Variants in MINDY4 observed in about 807,000 individuals in gnomAD.
MINDY4 encodes the protein probable ubiquitin carboxyl-terminal hydrolase MINDY-4.
Under a neutral mutation model 87.0 loss-of-function variants are expected in MINDY4, and 68 were observed. That is an observed-to-expected ratio of 0.78 (90% CI 0.64 to 0.96). The LOEUF (loss-of-function observed/expected upper bound fraction) is 0.96, where lower values mean the gene tolerates loss of function less well. MINDY4 is among the 40% of genes least tolerant of loss of function. The pLI is 0.00. For synonymous variants in MINDY4, 379 were observed against 363.2 expected, an observed-to-expected ratio of 1.04 and a Z score of -0.50; for missense variants, 919 against 928.2, an observed-to-expected ratio of 0.99 and a Z score of 0.13.
intron 13 of MINDY4, among the ~76,000 whole-genome samples, chr7:30,866,054 G>A (rs1789924992): frequency 6.6e-6 from 1 of 152,230 alleles, no homozygotes; most frequent in South Asian, 2.1e-4. Flanking sequence ...AAGCTGCTGA[G>A]ATGGCAAGTC....
At chr7:30,828,440 C>T (rs1046836317) in intron 5 of MINDY4, among the ~76,000 whole-genome samples, 1 of 152,074 alleles carries the variant, frequency 6.6e-6, no homozygotes, top group Non-Finnish European at 1.5e-5. Context: ...CCTGTATTGG[C>T]TGGTGTATGA....
Position 30,778,472 on chromosome 7 carries a change from C to T in MINDY4, c.104C>T (p.Pro35Leu). The part of the protein sequence containing the change: ...KTCVTMDQER[P>L]RSDLSINNRN... ...TGTGTGACCATGGACCAGGAACGCC[C>T]ACGCTCTGACCTCAGCATAAACAAC... Residue 35 changes from proline to leucine, a missense_variant, in exon 2 of 18, where the codon CCA becomes CTA. By Grantham distance (98) the Pro-to-Leu change is moderately conservative. Coordinates refer to ENST00000265299, the MANE Select transcript of MINDY4 (RefSeq NM_032222.3). The T allele has an allele frequency of 6.2e-7, 1 of 1,614,162 alleles. No individual in the cohort carries two copies. Among genetic ancestry groups the T allele is most frequent in the Non-Finnish European group, 8.5e-7 (1 of 1,180,002 alleles).
At chr7:30,870,637 G>A (rs528236726) in intron 13 of MINDY4, among the ~76,000 whole-genome samples, 2 of 152,332 alleles carry the variant, frequency 1.3e-5, no homozygotes, top group East Asian at 3.9e-4. Flanking sequence ...CCCAAGTATT[G>A]TGGAGCTGGA....
intron 4 of MINDY4, among the ~76,000 whole-genome samples, chr7:30,788,490 A>G (rs1419312803): frequency 6.6e-6 from 1 of 152,238 alleles, no homozygotes; most frequent in Non-Finnish European, 1.5e-5. Flanking sequence ...AAAAAATTTC[A>G]TTCATTGATG....
chr7:30,830,522 A>G (rs1313365052), intron 6 of MINDY4, among the ~76,000 whole-genome samples: 1 of 152,196 alleles, frequency 6.6e-6, no homozygotes, highest in African/African-American at 2.4e-5. Flanking sequence ...GGGGAAGCAA[A>G]CATGTCCTTC....
At chr7:30,830,069 G>C (rs898256358) in intron 6 of MINDY4, among the ~76,000 whole-genome samples, 1 of 152,152 alleles carries the variant, frequency 6.6e-6, no homozygotes, top group Non-Finnish European at 1.5e-5. Context: ...GAAGTCTTGT[G>C]GGGGCCAGGG....
intron 9 of MINDY4, among the ~76,000 whole-genome samples, chr7:30,850,216 C>G (rs1448447562): frequency 1.3e-5 from 2 of 152,242 alleles, no homozygotes; most frequent in Admixed American, 6.5e-5. Flanking sequence ...TCTGCCTCCT[C>G]CTTCACCAGC....
chr7:30,782,876 T>G (rs1787047469), intron 3 of MINDY4, among the ~76,000 whole-genome samples: 1 of 152,202 alleles, frequency 6.6e-6, no homozygotes, highest in Non-Finnish European at 1.5e-5. Flanking sequence ...TCTTAAGGCC[T>G]TCACCTGATA....
In MINDY4 at chr7:30,882,249, C is replaced by A. The variant is rs564874282; in HGVS notation, c.2040C>A (p.Ile680=). The part of the protein sequence containing the change: ...WVVCSESHFS[I]LFSLQPGLLR... ...TTTGCAGTGAGAGCCACTTCAGCATCCTCTTTAGCCTGCAGCCGGGGCTCC... is the reference window on the plus strand; with the variant it reads ...TTTGCAGTGAGAGCCACTTCAGCATACTCTTTAGCCTGCAGCCGGGGCTCC... The change falls in exon 16 of 18, where the codon ATC becomes ATA. Residue 680 remains isoleucine, a synonymous_variant. Transcript: ENST00000265299. 6 of 1,613,970 alleles carry A rather than the reference C, an allele frequency of 3.7e-6. No individual in the cohort carries two copies. In the South Asian group the frequency reaches 4.4e-5, roughly 12 times the overall value.
intron 8 of MINDY4, among the ~76,000 whole-genome samples, chr7:30,839,742 G>A (rs1257345694): frequency 6.6e-6 from 1 of 151,980 alleles, no homozygotes; most frequent in Non-Finnish European, 1.5e-5. Context: ...AAGGGGAGGC[G>A]GTTTGAAAGT....
intron 13 of MINDY4, among the ~76,000 whole-genome samples, chr7:30,868,444 C>G (rs897180927): frequency 6.6e-6 from 1 of 152,204 alleles, no homozygotes; most frequent in East Asian, 1.9e-4. Context: ...TTTGAAGGTG[C>G]CTGAGACTAT....
rs373244068 is a variant in MINDY4 at position 30,850,436 on chromosome 7, T to G, written c.1446-18T>G. 3 of 1,604,564 alleles carry G rather than the reference T, an allele frequency of 1.9e-6. No homozygotes were observed. Among genetic ancestry groups the G allele is most frequent in the African/African-American group, 1.3e-5 (1 of 74,800 alleles). ...TGTGTCCACATGGGCATAAATGCCT[T>G]CCTTTTCTTGTCCGCAGGGGACTGC... On this transcript the variant is annotated intron_variant, in intron 9 of 17. Coordinates refer to ENST00000265299, the MANE Select transcript of MINDY4 (RefSeq NM_032222.3).
At chr7:30,783,376 C>T (rs182674116) in intron 3 of MINDY4, among the ~76,000 whole-genome samples, 1 of 152,198 alleles carries the variant, frequency 6.6e-6, no homozygotes, top group East Asian at 1.9e-4. Flanking sequence ...TTTAAGACTC[C>T]GAATTTAATC....
chr7:30,774,564 C>A (rs1048072649), intron 1 of MINDY4, among the ~76,000 whole-genome samples: 5 of 148,948 alleles, frequency 3.4e-5, no homozygotes, highest in Non-Finnish European at 4.4e-5. Flanking sequence ...CATTTTAATT[C>A]TTTTCTCTGC....
Position 30,878,583 on chromosome 7 carries a change from G to A in MINDY4, c.1971+2927G>A, listed in dbSNP as rs1790361101. On this transcript the variant is annotated intron_variant, in intron 15 of 17. Coordinates refer to ENST00000265299, the MANE Select transcript of MINDY4 (RefSeq NM_032222.3). ...TGGACTGCATTCTAGGCTGCAGTTG[G>A]AGGCCAAGCCCCTCCAGGCTGATGG... is the stretch of plus-strand genomic sequence containing the variant. 1.3e-5 allele frequency among the ~76,000 whole-genome samples: 2 copies of A among 152,198 alleles called. 1 individual carries two copies. The highest frequency in any genetic ancestry group is 4.1e-4 in the South Asian group (2 of 4,826).
Position 30,809,524 on chromosome 7 carries a change from C to T in MINDY4, c.1073+17950C>T, listed in dbSNP as rs188837949. On this transcript the variant is annotated intron_variant, in intron 5 of 17. Transcript: ENST00000265299. ...AGGAACCCCTTCAGGACAGGACCATCGATGGTTCCTCCCAGGTAATTGAAG... is the reference window on the plus strand; with the variant it reads ...AGGAACCCCTTCAGGACAGGACCATTGATGGTTCCTCCCAGGTAATTGAAG... Among the ~76,000 whole-genome samples, 168 of 151,016 alleles carry T rather than the reference C, an allele frequency of 1.1e-3. 1 individual carries two copies. Among genetic ancestry groups the T allele is most frequent in the Admixed American group, 2.4e-3 (36 of 15,202 alleles).
Position 30,875,632 on chromosome 7 carries a change from C to T in MINDY4, c.1947C>T (p.Leu649=). The T allele has an allele frequency of 1.2e-6, 2 of 1,612,558 alleles. No homozygotes were observed. Among genetic ancestry groups the T allele is most frequent in the South Asian group, 1.1e-5 (1 of 90,934 alleles). Residue 649 remains leucine (L), a synonymous_variant, in exon 15 of 18, where the codon CTC becomes CTT. Transcript: ENST00000265299. ...GCAGTGATATTGGCTTCTTATCTCT[C>T]TTTGAGCATTACAACATGTGCCAGG... ...AARSDIGFLS[L]FEHYNMCQVG...
intron 4 of MINDY4, among the ~76,000 whole-genome samples, chr7:30,790,631 T>A (rs1170198078): frequency 6.6e-6 from 1 of 151,982 alleles, no homozygotes; most frequent in Non-Finnish European, 1.5e-5. Flanking sequence ...TTTTAGTAGA[T>A]ATGGGGTTTC....
At chr7:30,891,423 C>CA (rs59047510) in intron 17 of MINDY4, among the ~76,000 whole-genome samples, 46,249 of 152,080 alleles carry the variant, frequency 0.3, 11,102 homozygotes, top group African/African-American at 0.67. Context: ...CAAAACAAAA[C>CA]AAAAAACTGT....
Sources: gnomAD v4.1 joint callset for allele counts (sites outside exome capture counted in the v4.1 genomes callset) on GRCh38, gnomAD v4.1.1 for gene constraint, MANE v1.5 for transcripts, NCBI Gene and HGNC (gene_info 2026-07-23, HGNC 2026-07-21) for gene names.